RPS6KC1: variants seen among roughly 807,000 people sequenced by gnomAD.
RPS6KC1 encodes the protein inactive ribosomal protein S6 kinase delta-1.
RPS6KC1 carries 54 observed loss-of-function variants against 103.8 expected under a neutral mutation model. That is an observed-to-expected ratio of 0.52 (90% CI 0.42 to 0.65). The LOEUF is 0.65. Ranked by LOEUF, RPS6KC1 falls within the 30% of genes least tolerant of loss-of-function variation. RPS6KC1 has a pLI of 0.00. For synonymous variants in RPS6KC1, 439 were observed against 438.7 expected, an observed-to-expected ratio of 1.00 and a Z score of -0.01; for missense variants, 1,151 against 1,253.8, an observed-to-expected ratio of 0.92 and a Z score of 1.24.
chr1:213,119,627 T>C (rs1228167238), intron 5 of RPS6KC1, among the ~76,000 whole-genome samples: 2 of 151,588 alleles, frequency 1.3e-5, no homozygotes, highest in Non-Finnish European at 2.9e-5. Flanking sequence ...TATAATAAGC[T>C]TCTGTTACTA....
At chr1:213,353,533 T>A in the RPS6KC1 span, among the ~76,000 whole-genome samples, 2 of 152,206 alleles carry the variant, frequency 1.3e-5, no homozygotes, top group East Asian at 3.9e-4. Context: ...TATCACTTTG[T>A]TTTCCTTCTC....
the RPS6KC1 span, among the ~76,000 whole-genome samples, chr1:213,456,248 G>A: frequency 6.6e-6 from 1 of 152,136 alleles, no homozygotes; most frequent in Admixed American, 6.5e-5. Flanking sequence ...CTGGCTTCCT[G>A]TCTAGTTGAA....
the RPS6KC1 span, among the ~76,000 whole-genome samples, chr1:213,458,934 C>T: frequency 1.3e-5 from 2 of 152,120 alleles, no homozygotes; most frequent in African/African-American, 2.4e-5. Context: ...TTGAAACATC[C>T]TTGCATCCCA....
intron 6 of RPS6KC1, among the ~76,000 whole-genome samples, chr1:213,164,551 T>C (rs1485196068): frequency 1.3e-5 from 2 of 152,210 alleles, no homozygotes; most frequent in Non-Finnish European, 2.9e-5. Context: ...GAACAATTTT[T>C]CTTTCTTTTT....
At chr1:213,165,414 TG>T (rs201990481) in intron 6 of RPS6KC1, among the ~76,000 whole-genome samples, 6 of 151,156 alleles carry the variant, frequency 4.0e-5, no homozygotes, top group African/African-American at 7.3e-5. Flanking sequence ...GTGTTTTTTT[TG>T]TTGTTGTTGT....
the RPS6KC1 span, among the ~76,000 whole-genome samples, chr1:213,724,231 G>A: frequency 6.6e-6 from 1 of 152,144 alleles, no homozygotes; most frequent in South Asian, 2.1e-4. Flanking sequence ...GGGATTATAG[G>A]CATGTGCCAC....
At chr1:213,742,065 C>T in the RPS6KC1 span, among the ~76,000 whole-genome samples, 1 of 152,114 alleles carries the variant, frequency 6.6e-6, no homozygotes, top group East Asian at 1.9e-4. Flanking sequence ...GAGGAATGGC[C>T]AGGAGGGGGT....
At chr1:213,166,893 A>C (rs1483556946) in intron 6 of RPS6KC1, among the ~76,000 whole-genome samples, 1 of 152,214 alleles carries the variant, frequency 6.6e-6, no homozygotes, top group Non-Finnish European at 1.5e-5. Flanking sequence ...GTTCACCTGA[A>C]AACACTGGGA....
At chr1:213,246,912 G>A (rs1479450661) in intron 12 of RPS6KC1, among the ~76,000 whole-genome samples, 2 of 151,956 alleles carry the variant, frequency 1.3e-5, no homozygotes, top group Non-Finnish European at 2.9e-5. Context: ...ACAAGAAAAT[G>A]ATATTTGAAA....
chr1:213,597,687 G>A, the RPS6KC1 span, among the ~76,000 whole-genome samples: 1 of 152,184 alleles, frequency 6.6e-6, no homozygotes, highest in Non-Finnish European at 1.5e-5. Context: ...GACAGAGGCG[G>A]CTCTGGCTTC....
At chr1:213,161,185 G>T (rs925482988) in intron 6 of RPS6KC1, among the ~76,000 whole-genome samples, 4 of 152,158 alleles carry the variant, frequency 2.6e-5, no homozygotes, top group Non-Finnish European at 4.4e-5. Context: ...AAGGGGATAG[G>T]AGGGGCAGGA....
chr1:213,240,848 T>G lies in RPS6KC1; in HGVS notation c.1372T>G (p.Ser458Ala). Residue 458 changes from serine (S) to alanine (A), a missense_variant, in exon 11 of 15, where the codon TCC (serine) becomes GCC (alanine). Coordinates refer to ENST00000366960, the MANE Select transcript of RPS6KC1 (RefSeq NM_012424.6). ...SSPQDSSSFE[S>A]RGSDGGSMLK... ...TCCTCAGGACAGCAGTAGCTTTGAA[T>G]CCAGAGGAAGTGATGGTGGAAGCAT... 2 of 1,613,914 alleles carry G rather than the reference T, an allele frequency of 1.2e-6. No homozygotes were observed. The highest frequency in any genetic ancestry group is 1.1e-5 in the South Asian group (1 of 91,066).
the RPS6KC1 span, among the ~76,000 whole-genome samples, chr1:213,647,334 C>T: frequency 6.6e-6 from 1 of 152,164 alleles, no homozygotes; most frequent in African/African-American, 2.4e-5. Context: ...TAGTGGCTCA[C>T]ACCAACAGGG....
chr1:213,517,163 C>T, the RPS6KC1 span, among the ~76,000 whole-genome samples: 4 of 148,982 alleles, frequency 2.7e-5, no homozygotes, highest in African/African-American at 9.8e-5. Context: ...TTTTGCTGAT[C>T]TTTTCAAAAA....
chr1:213,290,833 A>T, the RPS6KC1 span, among the ~76,000 whole-genome samples: 3 of 152,050 alleles, frequency 2.0e-5, no homozygotes, highest in Non-Finnish European at 4.4e-5. Context: ...CTTCTCATTC[A>T]CTTAAACATT....
chr1:213,741,043 A>G, the RPS6KC1 span, among the ~76,000 whole-genome samples: 2 of 148,572 alleles, frequency 1.3e-5, no homozygotes, highest in East Asian at 3.9e-4. Context: ...TACATATACA[A>G]TATAAAAATA....
the RPS6KC1 span, among the ~76,000 whole-genome samples, chr1:213,780,220 T>C: frequency 6.6e-6 from 1 of 152,210 alleles, no homozygotes; most frequent in East Asian, 1.9e-4. Flanking sequence ...TTATCTCTCA[T>C]GGAATTGCCT....
the RPS6KC1 span, among the ~76,000 whole-genome samples, chr1:213,469,291 G>A: frequency 6.6e-6 from 1 of 152,158 alleles, no homozygotes; most frequent in Non-Finnish European, 1.5e-5. Context: ...ATTATTGCAA[G>A]TTATTTCAAA....
At chr1:213,447,323 C>T in the RPS6KC1 span, among the ~76,000 whole-genome samples, 5 of 152,090 alleles carry the variant, frequency 3.3e-5, no homozygotes, top group Non-Finnish European at 5.9e-5. Context: ...ACACCTTGGC[C>T]TCCTCATACC....
Sources: allele counts gnomAD v4.1 joint callset (sites outside exome capture counted in the v4.1 genomes callset), GRCh38; gene constraint gnomAD v4.1.1; transcripts MANE v1.5; gene names NCBI Gene and HGNC (gene_info 2026-07-23, HGNC 2026-07-21).